Variants in SLC24A2 observed in about 807,000 individuals in gnomAD.
SLC24A2 encodes sodium/potassium/calcium exchanger 2.
A neutral mutation model predicts 62.0 loss-of-function variants in SLC24A2; 36 were observed. That is an observed-to-expected ratio of 0.58 (90% CI 0.44 to 0.77). The LOEUF (loss-of-function observed/expected upper bound fraction) is 0.77, where lower values mean the gene tolerates loss of function less well. Ranked by LOEUF, SLC24A2 falls within the 30% of genes least tolerant of loss-of-function variation. The pLI is 0.00. For synonymous variants in SLC24A2, 358 were observed against 294.0 expected, an observed-to-expected ratio of 1.22 and a Z score of -2.23; for missense variants, 846 against 817.9, an observed-to-expected ratio of 1.03 and a Z score of -0.42.
the SLC24A2 span, among the ~76,000 whole-genome samples, chr9:20,197,535 G>C: frequency 1.3e-5 from 2 of 148,394 alleles, no homozygotes; most frequent in African/African-American, 5.0e-5. Flanking sequence ...AGGCTAAGGT[G>C]ATACTCCCAG....
At chr9:19,581,442 C>T (rs1258688055) in intron 5 of SLC24A2, among the ~76,000 whole-genome samples, 8 of 152,122 alleles carry the variant, frequency 5.3e-5, no homozygotes, top group Admixed American at 5.2e-4. Flanking sequence ...AGGTTCTTAA[C>T]CCCTCTCCAC....
the SLC24A2 span, among the ~76,000 whole-genome samples, chr9:20,177,950 C>G: frequency 2.0e-5 from 3 of 152,228 alleles, 1 homozygote; most frequent in Middle Eastern, 0.01. Context: ...GAACCCCTAT[C>G]TATCTGCCTC....
At chr9:19,885,306 G>T in the SLC24A2 span, among the ~76,000 whole-genome samples, 3 of 152,194 alleles carry the variant, frequency 2.0e-5, no homozygotes, top group Admixed American at 2.0e-4. Flanking sequence ...TTCAAAGGAA[G>T]GGGAGCTATG....
At chr9:19,951,378 T>C in the SLC24A2 span, among the ~76,000 whole-genome samples, 1 of 152,236 alleles carries the variant, frequency 6.6e-6, no homozygotes, top group South Asian at 2.1e-4. Context: ...TTACCAATTG[T>C]TTCTTTTATG....
At chr9:19,689,350 G>A (rs900397447) in intron 2 of SLC24A2, among the ~76,000 whole-genome samples, 1 of 152,100 alleles carries the variant, frequency 6.6e-6, no homozygotes, top group Non-Finnish European at 1.5e-5. Flanking sequence ...CATATTCTTA[G>A]TTAACTCAAT....
the SLC24A2 span, among the ~76,000 whole-genome samples, chr9:20,088,148 C>T: frequency 6.6e-6 from 1 of 152,218 alleles, no homozygotes; most frequent in Non-Finnish European, 1.5e-5. Flanking sequence ...GTTGGACCCC[C>T]ATACATACTC....
chr9:19,531,963 C>G (rs1295418744), intron 8 of SLC24A2, among the ~76,000 whole-genome samples: 1 of 152,148 alleles, frequency 6.6e-6, no homozygotes, highest in Non-Finnish European at 1.5e-5. Context: ...TAGTCATGCC[C>G]TTGTATTCAT....
At chr9:20,172,013 C>T in the SLC24A2 span, among the ~76,000 whole-genome samples, 1 of 151,974 alleles carries the variant, frequency 6.6e-6, no homozygotes, top group African/African-American at 2.4e-5. Flanking sequence ...ATATCAAGCA[C>T]TCTCTCAGAC....
the SLC24A2 span, among the ~76,000 whole-genome samples, chr9:20,088,730 G>C: frequency 6.6e-6 from 1 of 151,912 alleles, no homozygotes; most frequent in Non-Finnish European, 1.5e-5. Context: ...TTTTTATGCA[G>C]GTCTCTGATC....
At chr9:19,519,797 T>G (rs1833102669) in intron 10 of SLC24A2, among the ~76,000 whole-genome samples, 1 of 152,206 alleles carries the variant, frequency 6.6e-6, no homozygotes, top group South Asian at 2.1e-4. Flanking sequence ...GTCAGAGTTT[T>G]CCAGTCAGAC....
At chr9:20,131,164 G>A in the SLC24A2 span, among the ~76,000 whole-genome samples, 1 of 152,064 alleles carries the variant, frequency 6.6e-6, no homozygotes, top group Non-Finnish European at 1.5e-5. Flanking sequence ...TACGCGCCCT[G>A]TGCACACAAG....
At chr9:20,024,022 C>T in the SLC24A2 span, among the ~76,000 whole-genome samples, 3 of 152,172 alleles carry the variant, frequency 2.0e-5, no homozygotes, top group African/African-American at 2.4e-5. Flanking sequence ...TGCATTTCCA[C>T]GGAAACGCTT....
the SLC24A2 span, among the ~76,000 whole-genome samples, chr9:19,980,752 C>A: frequency 6.6e-6 from 1 of 152,116 alleles, no homozygotes; most frequent in East Asian, 1.9e-4. Flanking sequence ...CAGGATTAAG[C>A]AGAAACCACT....
the SLC24A2 span, among the ~76,000 whole-genome samples, chr9:20,122,187 C>G: frequency 2.6e-5 from 4 of 152,208 alleles, no homozygotes; most frequent in African/African-American, 7.2e-5. Flanking sequence ...GAGCATTTAA[C>G]CAAGCATGGA....
chr9:19,849,929 T>C, the SLC24A2 span, among the ~76,000 whole-genome samples: 2,362 of 152,198 alleles, frequency 0.016, 62 homozygotes, highest in African/African-American at 0.053. Flanking sequence ...AACTGATACA[T>C]GTGAATAACA....
At chr9:20,286,510 TA>T in the SLC24A2 span, among the ~76,000 whole-genome samples, 2 of 152,206 alleles carry the variant, frequency 1.3e-5, no homozygotes, top group Non-Finnish European at 2.9e-5. Context: ...GTTTCTCTTT[TA>T]AAAAAGGTTT....
intron 9 of SLC24A2, among the ~76,000 whole-genome samples, chr9:19,525,765 G>GTT (rs71496823): frequency 4.3e-3 from 423 of 98,802 alleles, no homozygotes; most frequent in Non-Finnish European, 5.0e-3. Context: ...ACATGCTACT[G>GTT]TTTTTTTTTT....
the SLC24A2 span, among the ~76,000 whole-genome samples, chr9:20,171,417 G>C: frequency 6.6e-6 from 1 of 151,952 alleles, no homozygotes; most frequent in Non-Finnish European, 1.5e-5. Flanking sequence ...AAAAGGTACA[G>C]AATTGCAGAA....
the SLC24A2 span, among the ~76,000 whole-genome samples, chr9:20,062,289 C>T: frequency 2.0e-5 from 3 of 151,850 alleles, no homozygotes; most frequent in African/African-American, 7.3e-5. Context: ...GGTACCAAAA[C>T]AGAGATATAG....
Sources: gnomAD v4.1 joint callset for allele counts (sites outside exome capture counted in the v4.1 genomes callset) on GRCh38, gnomAD v4.1.1 for gene constraint, MANE v1.5 for transcripts, NCBI Gene and HGNC (gene_info 2026-07-23, HGNC 2026-07-21) for gene names.